KAZN: variants seen among roughly 807,000 people sequenced by gnomAD.
KAZN encodes the protein kazrin, periplakin interacting protein, also known as kazrin.
A neutral mutation model predicts 87.4 loss-of-function variants in KAZN; 40 were observed. That is an observed-to-expected ratio of 0.46 (90% CI 0.36 to 0.60). KAZN has a LOEUF of 0.60. Among genes scored for constraint, KAZN ranks in the 20% least tolerant of loss-of-function variants. The pLI, the probability that KAZN is intolerant of heterozygous loss-of-function variation, is 0.00. For missense variants in KAZN, 898 were observed against 1,073.9 expected (o/e 0.84, Z 2.29); for synonymous variants, 466 against 458.3 (o/e 1.02, Z -0.22).
intron 1 of KAZN, among the ~76,000 whole-genome samples, chr1:14,795,125 C>G (rs1193302014): frequency 6.6e-6 from 1 of 152,192 alleles, no homozygotes; most frequent in Non-Finnish European, 1.5e-5. Context: ...CTTTCTTGCT[C>G]CTCCCTCTTC....
rs75663115 is a variant in KAZN at position 14,179,410 on chromosome 1, C to T, written c.92-1025C>T. On this transcript the variant is annotated intron_variant, in intron 1 of 16. Transcript: ENST00000636203. The stretch of plus-strand genomic sequence containing the variant: ...CTCAAGGATCACAATCCCATGTTGT[C>T]CAATGTCTAAAAATAGTTGATTCTA... Among the ~76,000 whole-genome samples the T allele has an allele frequency of 7.1e-3, 1,075 of 152,252 alleles. 18 individuals carry two copies. The highest frequency in any genetic ancestry group is 0.025 in the African/African-American group (1,020 of 41,546).
At chr1:14,730,147 G>A (rs1270618709) in intron 1 of KAZN, among the ~76,000 whole-genome samples, 1 of 152,010 alleles carries the variant, frequency 6.6e-6, no homozygotes, top group African/African-American at 2.4e-5. Flanking sequence ...GCAGTGGCGC[G>A]ATCTCGGCTT....
chr1:15,034,123 T>A (rs376118818), intron 2 of KAZN, among the ~76,000 whole-genome samples: 2 of 152,258 alleles, frequency 1.3e-5, no homozygotes, highest in African/African-American at 4.8e-5. Flanking sequence ...GCTTATGAGA[T>A]ACAGGATTTG....
chr1:14,598,118 G>A (rs1276355482), upstream of KAZN, among the ~76,000 whole-genome samples: 1 of 152,158 alleles, frequency 6.6e-6, no homozygotes, highest in African/African-American at 2.4e-5. The surrounding 1 kb of genome is among the most constrained non-coding windows in gnomAD (Gnocchi z 4.2). Flanking sequence ...GGAGAGGCGG[G>A]AGCACCAGCG....
chr1:14,359,256 C>CT lies in KAZN; in HGVS notation c.249+178673dup, dbSNP rs908248666. On this transcript the variant is annotated intron_variant, in intron 2 of 16. Coordinates refer to the KAZN transcript ENST00000636203. ...GGATTACAAGCCCTGCTTTTTTTTTCTTTTTTTTTCCTTCTCCTTTCCATT... is the reference window on the plus strand; with the variant it reads ...GGATTACAAGCCCTGCTTTTTTTTTCTTTTTTTTTTCCTTCTCCTTTCCATT... Among the ~76,000 whole-genome samples the CT allele has an allele frequency of 1.3e-4, 20 of 149,082 alleles. No individual in the cohort carries two copies. In the East Asian group the frequency reaches 1.4e-3, roughly 10 times the overall value.
Position 14,535,674 on chromosome 1 carries a change from A to T in KAZN, c.250-63309A>T, listed in dbSNP as rs985630938. Among the ~76,000 whole-genome samples, 4 of 152,006 alleles carry T rather than the reference A, an allele frequency of 2.6e-5. No homozygotes were observed. The East Asian group carries it at 7.7e-4, about 29-fold the overall frequency. ...AGTGAGACTCTGTCTCAAAAAAAAA[A>T]AATAAAAATAAAAAATAAATTTAAA... On this transcript the variant is annotated intron_variant, in intron 2 of 16. Coordinates refer to the KAZN transcript ENST00000636203.
intron 2 of KAZN, among the ~76,000 whole-genome samples, chr1:14,436,248 T>C (rs1016852690): frequency 6.7e-6 from 1 of 148,834 alleles, no homozygotes; most frequent in Admixed American, 6.7e-5. Context: ...GAAAAGAAAA[T>C]GGAATGCACA....
At chr1:14,518,324 G>A (rs893154079) in intron 2 of KAZN, among the ~76,000 whole-genome samples, 39 of 151,538 alleles carry the variant, frequency 2.6e-4, no homozygotes, top group East Asian at 1.9e-4. Context: ...CTACAAATGC[G>A]CACCACCACG....
At chr1:15,016,925 G>T (rs1158092976) in intron 2 of KAZN, among the ~76,000 whole-genome samples, 1 of 152,032 alleles carries the variant, frequency 6.6e-6, no homozygotes, top group Non-Finnish European at 1.5e-5. Flanking sequence ...TTAAATAATT[G>T]CATTTAAATA....
At chr1:14,133,254 C>A (rs1645029084) in intron 1 of KAZN, among the ~76,000 whole-genome samples, 1 of 151,454 alleles carries the variant, frequency 6.6e-6, no homozygotes, top group Non-Finnish European at 1.5e-5. Context: ...GTAATCCCAG[C>A]TACTTGGGAG....
chr1:14,724,299 G>T (rs1258876187), intron 1 of KAZN, among the ~76,000 whole-genome samples: 1 of 152,166 alleles, frequency 6.6e-6, no homozygotes, highest in Admixed American at 6.5e-5. Context: ...CAGGAATGAT[G>T]GAAAGATTTT....
At chr1:14,864,695 T>C (rs930082680) in intron 1 of KAZN, among the ~76,000 whole-genome samples, 1 of 152,076 alleles carries the variant, frequency 6.6e-6, no homozygotes, top group Non-Finnish European at 1.5e-5. Flanking sequence ...TGCACCACCC[T>C]CCATCCCCCA....
At chr1:14,447,558 C>T (rs1667056551) in intron 2 of KAZN, among the ~76,000 whole-genome samples, 1 of 152,060 alleles carries the variant, frequency 6.6e-6, no homozygotes. Flanking sequence ...ATTTTAACAA[C>T]CTAGACATTT....
At chr1:15,071,155 A>C (rs920058049) in intron 8 of KAZN, among the ~76,000 whole-genome samples, 1 of 152,258 alleles carries the variant, frequency 6.6e-6, no homozygotes, top group Non-Finnish European at 1.5e-5. Context: ...TTTAAATATC[A>C]AAGTTATGGC....
intron 1 of KAZN, among the ~76,000 whole-genome samples, chr1:13,994,584 C>A (rs1480886327): frequency 6.6e-6 from 1 of 152,168 alleles, no homozygotes; most frequent in Non-Finnish European, 1.5e-5. Flanking sequence ...GGGAACAAAA[C>A]AGTCTTTGTT....
chr1:15,044,105 C>T lies in KAZN; in HGVS notation c.672C>T (p.Ser224=), dbSNP rs1673215042. The change falls in exon 4 of 15, where the codon TCC becomes TCT. Residue 224 remains serine, a synonymous_variant. Transcript: ENST00000376030. The part of the protein sequence containing the change: ...EATDHATALR[S]QLDLKDNRMK... ...CAGACCACGCCACGGCACTGCGCTC[C>T]CAGCTGGACCTCAAGGACAACCGGA... The T allele has an allele frequency of 1.2e-6, 2 of 1,612,208 alleles. No individual in the cohort carries two copies. Among genetic ancestry groups the T allele is most frequent in the Non-Finnish European group, 1.7e-6 (2 of 1,179,426 alleles).
chr1:14,514,586 T>TATATGAAA (rs1486553184), intron 2 of KAZN, among the ~76,000 whole-genome samples: 2 of 99,368 alleles, frequency 2.0e-5, no homozygotes, highest in African/African-American at 7.9e-5. Context: ...TTATATATTT[T>TATATGAAA]TTTATATTTT....
chr1:14,095,039 G>GC (rs1212210659), intron 1 of KAZN, among the ~76,000 whole-genome samples: 1 of 131,290 alleles, frequency 7.6e-6, no homozygotes, highest in African/African-American at 4.4e-5. Context: ...TTTCCCAACA[G>GC]GTATCTAAGA....
chr1:14,123,814 C>T (rs571671333), intron 1 of KAZN, among the ~76,000 whole-genome samples: 1 of 152,214 alleles, frequency 6.6e-6, no homozygotes, highest in East Asian at 1.9e-4. Context: ...CAAACACACA[C>T]CCCTGGTCTC....
Sources: gnomAD v4.1 joint callset for allele counts (sites outside exome capture counted in the v4.1 genomes callset) on GRCh38, gnomAD v4.1.1 for gene constraint, Gnocchi (gnomAD v3.1) non-coding constraint, MANE v1.5 for transcripts, NCBI Gene and HGNC (gene_info 2026-07-23, HGNC 2026-07-21) for gene names.